The following HDAC9 variants were observed in gnomAD, a reference collection of about 807,000 sequenced individuals.
HDAC9 encodes MEF-2 interacting transcription repressor (MITR) protein.
A neutral mutation model predicts 139.4 loss-of-function variants in HDAC9; 41 were observed. The observed-to-expected ratio is 0.29, with a 90% confidence interval of 0.23 to 0.38. HDAC9 has a LOEUF of 0.38. Among genes scored for constraint, HDAC9 ranks in the 10% least tolerant of loss-of-function variants. The pLI is 1.00. For synonymous variants in HDAC9, 517 were observed against 476.2 expected, an observed-to-expected ratio of 1.09 and a Z score of -1.12; for missense variants, 1,147 against 1,297.0, an observed-to-expected ratio of 0.88 and a Z score of 1.78.
chr7:18,562,828 T>C (rs559701415), intron 2 of HDAC9, among the ~76,000 whole-genome samples: 3 of 152,264 alleles, frequency 2.0e-5, no homozygotes, highest in Admixed American at 2.0e-4. Flanking sequence ...AATTTGTGGA[T>C]GAATTTGGGT....
chr7:18,451,429 ATG>A (rs1193822580), intron 1 of HDAC9, among the ~76,000 whole-genome samples: 3,963 of 137,494 alleles, frequency 0.029, 131 homozygotes, highest in African/African-American at 0.09. Flanking sequence ...GTGTATATAT[ATG>A]TGTGTGTGTG....
intron 22 of HDAC9, among the ~76,000 whole-genome samples, chr7:18,888,070 A>G (rs1258541061): frequency 5.3e-5 from 8 of 152,234 alleles, no homozygotes; most frequent in African/African-American, 1.9e-4. Flanking sequence ...GTTACTTGGT[A>G]AAGCGCCATA....
intron 1 of HDAC9, among the ~76,000 whole-genome samples, chr7:18,321,541 G>A (rs574602686): frequency 4.0e-5 from 6 of 149,774 alleles, no homozygotes; most frequent in African/African-American, 1.5e-4. Flanking sequence ...TTGTGTTATT[G>A]TGGAATTACA....
At chr7:18,448,477 G>A (rs1792502878) in intron 1 of HDAC9, among the ~76,000 whole-genome samples, 1 of 152,122 alleles carries the variant, frequency 6.6e-6, no homozygotes, top group Admixed American at 6.5e-5. Context: ...TTTTATATAT[G>A]TATGGTTGTA....
At chr7:18,719,286 T>G (rs1278289540) in intron 12 of HDAC9, among the ~76,000 whole-genome samples, 1 of 151,148 alleles carries the variant, frequency 6.6e-6, no homozygotes, top group Non-Finnish European at 1.5e-5. Context: ...AAGCACAACA[T>G]TTTTTAACCT....
chr7:18,732,666 TGTATATGTGTGCGTATGTGTAC>T (rs1786230602), intron 13 of HDAC9, among the ~76,000 whole-genome samples: 1 of 139,928 alleles, frequency 7.1e-6, no homozygotes, highest in African/African-American at 2.8e-5. Flanking sequence ...CACACACACG[TGTATATGTGTGCGTATGTGTAC>T]ACACACACAC....
intron 21 of HDAC9, among the ~76,000 whole-genome samples, chr7:18,837,077 A>C (rs1417408653): frequency 3.3e-5 from 5 of 151,918 alleles, no homozygotes; most frequent in Admixed American, 3.3e-4. Context: ...TTCATTTCTC[A>C]TGAGAAAGCA....
chr7:18,817,078 A>C (rs1469209849), intron 17 of HDAC9, among the ~76,000 whole-genome samples: 1 of 149,236 alleles, frequency 6.7e-6, no homozygotes, highest in Non-Finnish European at 1.5e-5. Context: ...GCTGTCGCCC[A>C]GGCTGGAGTA....
chr7:18,954,640 C>T lies in HDAC9; in HGVS notation c.3022+410C>T, dbSNP rs1285676526. Among the ~76,000 whole-genome samples, 3 of 151,970 alleles carry T rather than the reference C, an allele frequency of 2.0e-5. No individual in the cohort carries two copies. The East Asian group carries it at 5.8e-4, about 29-fold the overall frequency. Reference sequence around the variant, plus strand: ...GAGGAAAAAAAAATTAATGAGAAAGCCTCTGTATGGGAAAATCCAACTTAA... The same window carrying T: ...GAGGAAAAAAAAATTAATGAGAAAGTCTCTGTATGGGAAAATCCAACTTAA... On this transcript the variant is annotated intron_variant, in intron 24 of 25. Transcript: ENST00000686413.
intron 22 of HDAC9, among the ~76,000 whole-genome samples, chr7:18,917,329 AT>A (rs568793236): frequency 9.9e-5 from 15 of 151,190 alleles, no homozygotes; most frequent in East Asian, 1.9e-4. Flanking sequence ...AAAAACTGGG[AT>A]TTTTTTTTCA....
intron 1 of HDAC9, among the ~76,000 whole-genome samples, chr7:18,301,371 T>C (rs982675104): frequency 6.6e-6 from 1 of 152,120 alleles, no homozygotes; most frequent in Non-Finnish European, 1.5e-5. Flanking sequence ...CAGGACATTG[T>C]TGTCGTGTTT....
intron 16 of HDAC9, among the ~76,000 whole-genome samples, chr7:18,767,748 T>C (rs1006681561): frequency 6.6e-6 from 1 of 152,206 alleles, no homozygotes; most frequent in African/African-American, 2.4e-5. Flanking sequence ...TACATTTTTG[T>C]AGATGATTAG....
chr7:18,451,197 GCA>G (rs1241249606), intron 1 of HDAC9, among the ~76,000 whole-genome samples: 1 of 152,078 alleles, frequency 6.6e-6, no homozygotes, highest in African/African-American at 2.4e-5. Context: ...CACAGAGAAA[GCA>G]TCGTCCATGA....
At chr7:18,656,260 C>A (rs551406500) in intron 11 of HDAC9, among the ~76,000 whole-genome samples, 1 of 152,182 alleles carries the variant, frequency 6.6e-6, no homozygotes, top group South Asian at 2.1e-4. Flanking sequence ...TGCTCTCTTG[C>A]TATTAACCTA....
At chr7:18,321,592 A>G (rs1034847695) in intron 1 of HDAC9, among the ~76,000 whole-genome samples, 2 of 152,216 alleles carry the variant, frequency 1.3e-5, no homozygotes, top group African/African-American at 2.4e-5. Flanking sequence ...TAGTTCAGAA[A>G]TTGTACATAT....
At chr7:18,575,094 T>C (rs1026451146) in intron 2 of HDAC9, among the ~76,000 whole-genome samples, 1 of 152,242 alleles carries the variant, frequency 6.6e-6, no homozygotes, top group African/African-American at 2.4e-5. Flanking sequence ...CATCACATGT[T>C]TTCCCATTTT....
Position 18,767,175 on chromosome 7 carries a change from C to A in HDAC9, c.2214+20C>A. On this transcript the variant is annotated intron_variant, in intron 16 of 25. Coordinates refer to ENST00000686413, the MANE Select transcript of HDAC9 (RefSeq NM_178425.4). ...CTTGGGGTAAGTACAAGTTGGTTTACTGCCTTTAAATAACATAAAATTACA... is the reference window on the plus strand; with the variant it reads ...CTTGGGGTAAGTACAAGTTGGTTTAATGCCTTTAAATAACATAAAATTACA... 1 of 1,478,186 alleles carries A rather than the reference C, an allele frequency of 6.8e-7. No homozygotes were observed. The highest frequency in any genetic ancestry group is 9.2e-7 in the Non-Finnish European group (1 of 1,086,038). The allele number at this position is 1,478,186 out of a possible 1,614,324, so 91.6% of individuals were successfully genotyped here. A position where few individuals can be genotyped will look rare whatever the true frequency, so the allele number is the denominator to read the frequency against.
chr7:18,643,148 G>A (rs6950202), intron 8 of HDAC9, among the ~76,000 whole-genome samples: 6,091 of 151,698 alleles, frequency 0.04, 384 homozygotes, highest in African/African-American at 0.13. Context: ...TACAATTTTC[G>A]TGAAAAGCTT....
At chr7:18,736,615 A>G (rs1185544577) in intron 13 of HDAC9, among the ~76,000 whole-genome samples, 3 of 152,104 alleles carry the variant, frequency 2.0e-5, no homozygotes, top group African/African-American at 2.4e-5. Flanking sequence ...ACTTTTTGAT[A>G]TGCTGCTGGA....
Sources: allele counts gnomAD v4.1 joint callset (sites outside exome capture counted in the v4.1 genomes callset), GRCh38; gene constraint gnomAD v4.1.1; transcripts MANE v1.5; gene names NCBI Gene and HGNC (gene_info 2026-07-23, HGNC 2026-07-21).